KIZ: variants seen among roughly 807,000 people sequenced by gnomAD.
KIZ encodes the protein kizuna centrosomal protein.
A neutral mutation model predicts 79.6 loss-of-function variants in KIZ; 68 were observed. The observed-to-expected ratio is 0.85, with a 90% confidence interval of 0.70 to 1.05. KIZ has a LOEUF of 1.05. Ranked by LOEUF, KIZ falls within the 50% of genes least tolerant of loss-of-function variation. KIZ has a pLI of 0.00. For missense variants in KIZ, 797 were observed against 800.4 expected (o/e 1.00, Z 0.05); for synonymous variants, 280 against 281.8 (o/e 0.99, Z 0.06).
At chr20:21,188,467 A>G (rs1455294706) in intron 6 of KIZ, among the ~76,000 whole-genome samples, 1 of 152,172 alleles carries the variant, frequency 6.6e-6, no homozygotes, top group Non-Finnish European at 1.5e-5. Flanking sequence ...CATGTCACAG[A>G]AAACAATGAT....
intron 6 of KIZ, among the ~76,000 whole-genome samples, chr20:21,187,294 T>C (rs975874325): frequency 6.6e-6 from 1 of 152,184 alleles, no homozygotes; most frequent in African/African-American, 2.4e-5. Flanking sequence ...ATGATATTCA[T>C]AAGCCAGGCA....
At chr20:21,215,904 G>A (rs1424920788) in intron 9 of KIZ, among the ~76,000 whole-genome samples, 1 of 152,142 alleles carries the variant, frequency 6.6e-6, no homozygotes, top group African/African-American at 2.4e-5. Context: ...TCCATCATGT[G>A]CCCTTTCAGC....
intron 6 of KIZ, among the ~76,000 whole-genome samples, chr20:21,174,353 C>A (rs547924759): frequency 2.0e-5 from 3 of 152,234 alleles, no homozygotes; most frequent in African/African-American, 7.2e-5. Context: ...CATAAAACAG[C>A]TGTGTGTGCT....
intron 9 of KIZ, among the ~76,000 whole-genome samples, chr20:21,223,665 CT>C (rs1053285543): frequency 0.019 from 2,389 of 126,138 alleles, 48 homozygotes; most frequent in African/African-American, 0.064. Context: ...CTCTCTCTCT[CT>C]TTTTTTTTTT....
chr20:21,229,014 C>T lies in KIZ; in HGVS notation c.1682C>T (p.Thr561Ile). The T allele has an allele frequency of 3.2e-6, 5 of 1,582,612 alleles. No homozygotes were observed. The highest frequency in any genetic ancestry group is 4.3e-6 in the Non-Finnish European group (5 of 1,154,476). Reference sequence around the variant, plus strand: ...TGTGTTTTTCTTTAATCAACAGAAACAGAAGCCTATCAGTTGCTGAAGAAG... The same window carrying T: ...TGTGTTTTTCTTTAATCAACAGAAATAGAAGCCTATCAGTTGCTGAAGAAG... ...NVAADIPITE[T>I]EAYQLLKKAT... The change falls in exon 10 of 13, where the codon ACA (threonine) becomes ATA (isoleucine). Residue 561 changes from threonine (T) to isoleucine (I), a missense_variant. Coordinates refer to ENST00000619189, the MANE Select transcript of KIZ (RefSeq NM_018474.6).
intron 6 of KIZ, chr20:21,196,082 C>G (rs2035331955): frequency 6.6e-6 from 1 of 152,378 alleles, no homozygotes; most frequent in Admixed American, 6.5e-5. Flanking sequence ...GGCTAACCCT[C>G]TGAAAAACAC....
chr20:21,201,989 C>G (rs1332680077), intron 6 of KIZ, among the ~76,000 whole-genome samples: 2 of 152,188 alleles, frequency 1.3e-5, no homozygotes, highest in African/African-American at 2.4e-5. Flanking sequence ...GGTGCTGTAC[C>G]TCCTTCAACA....
intron 6 of KIZ, among the ~76,000 whole-genome samples, chr20:21,183,453 G>A (rs2034742675): frequency 6.6e-6 from 1 of 152,154 alleles, no homozygotes; most frequent in Admixed American, 6.5e-5. Flanking sequence ...ACCATGGACC[G>A]CAGCTCTGTG....
intron 6 of KIZ, chr20:21,194,142 A>G (rs1040368877): frequency 2.0e-5 from 3 of 152,082 alleles, no homozygotes; most frequent in African/African-American, 7.2e-5. Context: ...ATTTGGCCAA[A>G]TTTTTTACAT....
At position 21,173,434 on chromosome 20, in the gene KIZ, T is replaced by C. The variant is rs576582247; in HGVS notation, c.1352+10275T>C. On this transcript the variant is annotated intron_variant, in intron 6 of 12. Coordinates refer to ENST00000619189, the MANE Select transcript of KIZ (RefSeq NM_018474.6). ...CTCTACTAAAAATATAAAAATTAGC[T>C]GGGTGTGGTGGCGGGTGCCTGTAAT... Among the ~76,000 whole-genome samples the C allele has an allele frequency of 2.6e-5, 4 of 151,876 alleles. No individual in the cohort carries two copies. In the East Asian group the frequency reaches 7.7e-4, roughly 29 times the overall value.
chr20:21,239,943 T>G (rs1010060741), intron 11 of KIZ, among the ~76,000 whole-genome samples: 6 of 152,136 alleles, frequency 3.9e-5, no homozygotes, highest in Non-Finnish European at 7.4e-5. Context: ...ATAAGATGGC[T>G]TAATGGCTAG....
intron 6 of KIZ, among the ~76,000 whole-genome samples, chr20:21,167,028 A>G (rs1359032130): frequency 6.6e-6 from 1 of 152,222 alleles, no homozygotes; most frequent in Admixed American, 6.5e-5. Flanking sequence ...TCCTACAGCC[A>G]CAAGGAAATT....
chr20:21,179,748 T>C (rs1391933037), intron 6 of KIZ, among the ~76,000 whole-genome samples: 3 of 152,146 alleles, frequency 2.0e-5, no homozygotes, highest in Non-Finnish European at 4.4e-5. Context: ...ATCTTCTAAG[T>C]TTCGGTATGT....
In KIZ at chr20:21,161,863, T is replaced by C; in HGVS notation, c.406-8T>C. ...TATGTTTAACTCACATCTCTTTTGG[T>C]GTTGCAGGTTGCAGTGCACGAGGGG... On this transcript the variant is annotated splice_region_variant and splice_polypyrimidine_tract_variant and intron_variant, in intron 4 of 12. Coordinates refer to ENST00000619189, the MANE Select transcript of KIZ (RefSeq NM_018474.6). 6.3e-7 allele frequency: 1 copy of C among 1,598,758 alleles called. No homozygotes were observed. The highest frequency in any genetic ancestry group is 1.1e-5 in the South Asian group (1 of 90,166).
intron 7 of KIZ, among the ~76,000 whole-genome samples, chr20:21,208,417 A>G (rs2035927603): frequency 6.6e-6 from 1 of 152,208 alleles, no homozygotes; most frequent in South Asian, 2.1e-4. Flanking sequence ...TTAAAAATGG[A>G]AATAGGCTGG....
At chr20:21,207,403 C>A (rs2035870019) in intron 7 of KIZ, among the ~76,000 whole-genome samples, 1 of 151,952 alleles carries the variant, frequency 6.6e-6, no homozygotes, top group Non-Finnish European at 1.5e-5. Flanking sequence ...TATGTTGTTA[C>A]CATTGCACCA....
At chr20:21,220,587 G>A (rs371701581) in intron 9 of KIZ, among the ~76,000 whole-genome samples, 11 of 152,178 alleles carry the variant, frequency 7.2e-5, no homozygotes, top group South Asian at 2.1e-4. Flanking sequence ...GGGTTCAAGC[G>A]ATTCTCGTGC....
At chr20:21,235,850 A>G (rs1600617256) in intron 11 of KIZ, among the ~76,000 whole-genome samples, 1 of 152,230 alleles carries the variant, frequency 6.6e-6, no homozygotes, top group African/African-American at 2.4e-5. Context: ...GGAGGGCGCC[A>G]GCCTGCAGCT....
chr20:21,220,453 C>G (rs2036466281), intron 9 of KIZ, among the ~76,000 whole-genome samples: 1 of 151,976 alleles, frequency 6.6e-6, no homozygotes, highest in Admixed American at 6.6e-5. Flanking sequence ...TTTCACTGCC[C>G]TGCCTCTTTT....
Sources: gnomAD v4.1 joint callset for allele counts (sites outside exome capture counted in the v4.1 genomes callset) on GRCh38, gnomAD v4.1.1 for gene constraint, MANE v1.5 for transcripts, NCBI Gene and HGNC (gene_info 2026-07-23, HGNC 2026-07-21) for gene names.